HDAC9: variants seen among roughly 807,000 people sequenced by gnomAD.
The protein encoded by HDAC9 is MEF-2 interacting transcription repressor (MITR) protein.
HDAC9 carries 41 observed loss-of-function variants against 139.4 expected under a neutral mutation model. The ratio of observed to expected loss-of-function variants is 0.29; its 90% CI spans 0.23 to 0.38. The LOEUF (loss-of-function observed/expected upper bound fraction) is 0.38. HDAC9 is among the 10% of genes least tolerant of loss of function. The pLI is 1.00. For missense variants in HDAC9, 1,147 were observed against 1,297.0 expected (o/e 0.88, Z 1.78); for synonymous variants, 517 against 476.2 (o/e 1.09, Z -1.12).
chr7:18,598,751 A>G (rs968830272), intron 6 of HDAC9, among the ~76,000 whole-genome samples: 3 of 152,222 alleles, frequency 2.0e-5, no homozygotes, highest in Middle Eastern at 3.2e-3. Flanking sequence ...ACCTTTATTA[A>G]TAGAACAACC....
At chr7:18,162,344 A>G (rs1201619006) in exon 2 of HDAC9, 4 of 1,535,150 alleles carry the variant, frequency 2.6e-6, no homozygotes, top group Non-Finnish European at 3.5e-6. Flanking sequence ...TCACCTGCAC[A>G]GCCTGGTCAG....
chr7:18,752,788 C>T (rs776600628), intron 14 of HDAC9, among the ~76,000 whole-genome samples: 7 of 152,086 alleles, frequency 4.6e-5, no homozygotes, highest in Non-Finnish European at 5.9e-5. Flanking sequence ...TCCACATAGT[C>T]GTCTGCCGTC....
In HDAC9 at chr7:18,998,336, T is replaced by C. The variant is rs1228717119; in HGVS notation, c.*2274T>C. On this transcript the variant is annotated 3_prime_UTR_variant, in exon 26 of 26. Transcript: ENST00000686413. ...ACATGTTTATGCCAAGCCATTAATC[T>C]GATAAAGCCAAATCACTAGGACATC... 3.3e-5 allele frequency: 5 copies of C among 152,238 alleles called. No homozygotes were observed. The highest frequency in any genetic ancestry group is 1.2e-4 in the African/African-American group (5 of 41,474). The allele number at this position is 152,238 out of a possible 1,614,324, so 9.4% of individuals were successfully genotyped here. A position where few individuals can be genotyped will look rare whatever the true frequency, so the allele number is the denominator to read the frequency against.
intron 2 of HDAC9, among the ~76,000 whole-genome samples, chr7:18,206,497 T>C (rs996470875): frequency 3.9e-5 from 6 of 152,168 alleles, no homozygotes; most frequent in Admixed American, 3.9e-4. Flanking sequence ...CTTTCTCTTT[T>C]GTGTAATTCT....
intron 1 of HDAC9, among the ~76,000 whole-genome samples, chr7:18,155,365 G>A (rs1787112467): frequency 6.6e-6 from 1 of 152,112 alleles, no homozygotes; most frequent in Non-Finnish European, 1.5e-5. Flanking sequence ...TAAGCCCAGT[G>A]TTTAAAAATC....
intron 1 of HDAC9, among the ~76,000 whole-genome samples, chr7:18,090,197 A>C (rs759449520): frequency 2.0e-5 from 3 of 152,228 alleles, no homozygotes; most frequent in Non-Finnish European, 4.4e-5. Context: ...ATAGTGAATC[A>C]GTGTGAAGCT....
At chr7:18,262,453 C>T (rs182183391) in intron 2 of HDAC9, among the ~76,000 whole-genome samples, 3 of 152,246 alleles carry the variant, frequency 2.0e-5, no homozygotes, top group Admixed American at 6.5e-5. Context: ...GAGAATTTTC[C>T]ACTAGTAGAC....
chr7:18,231,113 C>T (rs1311699631), intron 2 of HDAC9, among the ~76,000 whole-genome samples: 2 of 152,168 alleles, frequency 1.3e-5, no homozygotes, highest in Admixed American at 6.5e-5. Context: ...GATACAGGCT[C>T]ACTTCAGAAA....
intron 12 of HDAC9, among the ~76,000 whole-genome samples, chr7:18,672,815 ACTTTAT>A (rs1193578705): frequency 2.0e-5 from 3 of 151,940 alleles, no homozygotes; most frequent in Non-Finnish European, 4.4e-5. Flanking sequence ...ATTTTCTCAT[ACTTTAT>A]CTTCATTTTC....
At chr7:18,570,760 A>T (rs1380314052) in intron 2 of HDAC9, among the ~76,000 whole-genome samples, 1 of 152,256 alleles carries the variant, frequency 6.6e-6, no homozygotes, top group Non-Finnish European at 1.5e-5. Flanking sequence ...ATAATGTTGT[A>T]AAGAACAAAT....
chr7:18,756,848 T>G (rs1002916038), intron 14 of HDAC9, among the ~76,000 whole-genome samples: 2 of 151,918 alleles, frequency 1.3e-5, no homozygotes, highest in Non-Finnish European at 2.9e-5. Flanking sequence ...GCCTGCTTGA[T>G]TGCCTCCTTC....
chr7:18,919,567 A>C (rs1276075949), intron 22 of HDAC9, among the ~76,000 whole-genome samples: 2 of 152,008 alleles, frequency 1.3e-5, no homozygotes, highest in Non-Finnish European at 2.9e-5. Flanking sequence ...CATTGATGTA[A>C]ATTCATTGTT....
intron 2 of HDAC9, among the ~76,000 whole-genome samples, chr7:18,236,628 C>G (rs1186873172): frequency 6.6e-6 from 1 of 152,102 alleles, no homozygotes; most frequent in Non-Finnish European, 1.5e-5. Flanking sequence ...GATGCACTTG[C>G]AATTTTGTCC....
intron 2 of HDAC9, among the ~76,000 whole-genome samples, chr7:18,277,756 A>C (rs971498063): frequency 1.3e-5 from 2 of 152,172 alleles, no homozygotes; most frequent in African/African-American, 4.8e-5. Context: ...AGATTTTATT[A>C]AAAAGTCTTA....
rs534603749 is a variant in HDAC9 at position 18,672,225 on chromosome 7, G to T, written c.1731+5749G>T. On this transcript the variant is annotated intron_variant, in intron 12 of 25. Transcript: ENST00000686413. ...ATCTTCTCCATTTGTTATTTCCCCT[G>T]CCTTATTGATGGTAGCCATCCTAGT... Among the ~76,000 whole-genome samples, 5 of 152,008 alleles carry T rather than the reference G, an allele frequency of 3.3e-5. 1 individual carries two copies. Among genetic ancestry groups the T allele is most frequent in the African/African-American group, 1.2e-4 (5 of 41,504 alleles).
chr7:18,316,902 G>C (rs1799690294), intron 1 of HDAC9, among the ~76,000 whole-genome samples: 1 of 151,656 alleles, frequency 6.6e-6, no homozygotes, highest in South Asian at 2.1e-4. Context: ...GACCATCCTG[G>C]CTAACACAGT....
intron 1 of HDAC9, among the ~76,000 whole-genome samples, chr7:18,292,227 A>C (rs1369029385): frequency 6.6e-6 from 1 of 152,122 alleles, no homozygotes; most frequent in Non-Finnish European, 1.5e-5. Context: ...TAATATTAAT[A>C]TCTTCATTTT....
Position 18,916,774 on chromosome 7 carries a change from A to G in HDAC9, c.2804-19035A>G, listed in dbSNP as rs77321917. Among the ~76,000 whole-genome samples the G allele has an allele frequency of 7.8e-3, 1,189 of 152,148 alleles. 16 individuals carry two copies. The highest frequency in any genetic ancestry group is 0.026 in the African/African-American group (1,086 of 41,548). Reference sequence around the variant, plus strand: ...ACAACCAAAAAGTGTACATACATAGAAAACAGGAGTAAAGGACTTGCTGGC... The same window carrying G: ...ACAACCAAAAAGTGTACATACATAGGAAACAGGAGTAAAGGACTTGCTGGC... On this transcript the variant is annotated intron_variant, in intron 22 of 25. Coordinates refer to ENST00000686413, the MANE Select transcript of HDAC9 (RefSeq NM_178425.4).
intron 24 of HDAC9, among the ~76,000 whole-genome samples, chr7:18,962,882 C>G (rs1038071240): frequency 5.9e-5 from 9 of 152,116 alleles, no homozygotes; most frequent in Admixed American, 1.3e-4. Context: ...GTTTAGGTAG[C>G]TTGTTCAAGT....
Sources: allele counts gnomAD v4.1 joint callset (sites outside exome capture counted in the v4.1 genomes callset), GRCh38; gene constraint gnomAD v4.1.1; transcripts MANE v1.5; gene names NCBI Gene and HGNC (gene_info 2026-07-23, HGNC 2026-07-21).